Variants in ABCD3 observed in about 807,000 individuals in gnomAD.
ABCD3 encodes the protein ATP-binding cassette sub-family D member 3.
Under a neutral mutation model 105.5 loss-of-function variants are expected in ABCD3, and 41 were observed. The ratio of observed to expected loss-of-function variants is 0.39; its 90% CI spans 0.30 to 0.50. The LOEUF (loss-of-function observed/expected upper bound fraction) is 0.50. Among genes scored for constraint, ABCD3 ranks in the 20% least tolerant of loss-of-function variants. The pLI is 0.84. For missense variants in ABCD3, 622 were observed against 806.3 expected, an observed-to-expected ratio of 0.77 and a Z score of 2.77; for synonymous variants, 258 against 269.0, an observed-to-expected ratio of 0.96 and a Z score of 0.40.
At chr1:94,496,694 G>GGTTTTTTTTTT (rs1302104709) in intron 16 of ABCD3, among the ~76,000 whole-genome samples, 1 of 39,368 alleles carries the variant, frequency 2.5e-5, no homozygotes, top group Non-Finnish European at 4.1e-5. Flanking sequence ...CCTTGTTTCT[G>GGTTTTTTTTTT]TTTTTTTTTT....
At chr1:94,495,646 T>C (rs1649764156) in intron 16 of ABCD3, among the ~76,000 whole-genome samples, 1 of 152,202 alleles carries the variant, frequency 6.6e-6, no homozygotes, top group South Asian at 2.1e-4. Context: ...CAAATCTGTT[T>C]TTGGGGTTTC....
the ABCD3 span, among the ~76,000 whole-genome samples, chr1:94,409,156 G>C: frequency 6.6e-6 from 1 of 152,112 alleles, no homozygotes; most frequent in Non-Finnish European, 1.5e-5. Context: ...GTATTTGCTA[G>C]CACAACAGCG....
chr1:94,474,216 G>T (rs907205877), intron 5 of ABCD3, among the ~76,000 whole-genome samples: 1 of 148,866 alleles, frequency 6.7e-6, no homozygotes, highest in African/African-American at 2.5e-5. Flanking sequence ...ATTGCAAAAT[G>T]GGTATGGGCA....
intron 1 of ABCD3, among the ~76,000 whole-genome samples, chr1:94,443,344 G>T (rs1211144246): frequency 6.6e-6 from 1 of 152,008 alleles, no homozygotes; most frequent in Admixed American, 6.6e-5. Context: ...TGAGTTCCTT[G>T]TGTATTCTGG....
chr1:94,430,299 C>A (rs1034986353), intron 1 of ABCD3, among the ~76,000 whole-genome samples: 22 of 152,082 alleles, frequency 1.4e-4, no homozygotes, highest in Admixed American at 3.9e-4. Context: ...TGAGTTAATG[C>A]TGAAATGAAT....
chr1:94,439,474 T>C (rs1207556779), intron 1 of ABCD3, among the ~76,000 whole-genome samples: 1 of 152,064 alleles, frequency 6.6e-6, no homozygotes, highest in Non-Finnish European at 1.5e-5. Flanking sequence ...AAACCCTGTC[T>C]CTACTAAAAA....
intron 1 of ABCD3, among the ~76,000 whole-genome samples, chr1:94,436,664 C>T (rs1051539501): frequency 6.6e-6 from 1 of 152,160 alleles, no homozygotes; most frequent in African/African-American, 2.4e-5. Context: ...CTTCATGTCT[C>T]TGTATCATAT....
At chr1:94,425,529 T>A (rs1659436222) in intron 1 of ABCD3, among the ~76,000 whole-genome samples, 1 of 152,212 alleles carries the variant, frequency 6.6e-6, no homozygotes, top group Non-Finnish European at 1.5e-5. Context: ...CTGAATAACT[T>A]CCTTGGAATA....
intron 19 of ABCD3, among the ~76,000 whole-genome samples, chr1:94,499,281 C>T (rs970563048): frequency 6.6e-6 from 1 of 152,136 alleles, no homozygotes; most frequent in Non-Finnish European, 1.5e-5. Context: ...TAGTGTTATT[C>T]TCTTTAAGCT....
chr1:94,433,686 G>A lies in ABCD3; in HGVS notation c.110+15098G>A, dbSNP rs576939923. ...TTTTTAGACAGTGTCTGGATCTGTC[G>A]CCTAGGCTTTAGTGCAGCAGCATAG... On this transcript the variant is annotated intron_variant, in intron 1 of 22. Transcript: ENST00000370214. 3.6e-3 allele frequency among the ~76,000 whole-genome samples: 517 copies of A among 143,164 alleles called. 1 individual carries two copies. The highest frequency in any genetic ancestry group is 5.6e-3 in the Non-Finnish European group (373 of 66,702). 93.9% of individuals were successfully genotyped at this position (143,164 alleles called of 152,430 possible).
chr1:94,487,897 C>T lies in ABCD3; in HGVS notation c.1071C>T (p.Tyr357=). 1 of 1,613,228 alleles carries T rather than the reference C, an allele frequency of 6.2e-7. No homozygotes were observed. The highest frequency in any genetic ancestry group is 8.5e-7 in the Non-Finnish European group (1 of 1,179,332). The part of the protein sequence containing the change: ...KSTHSELLED[Y]YQSGRMLLRM... ...AATATTTATTTCTATTTAAGGATTA[C>T]TACCAAAGTGGAAGAATGCTTTTGC... is the stretch of plus-strand genomic sequence containing the variant. Residue 357 remains tyrosine (Y), a synonymous_variant, in exon 13 of 23, where the codon TAC becomes TAT. Coordinates refer to ENST00000370214, the MANE Select transcript of ABCD3 (RefSeq NM_002858.4).
At chr1:94,449,240 T>C (rs928577919) in intron 1 of ABCD3, among the ~76,000 whole-genome samples, 1 of 152,168 alleles carries the variant, frequency 6.6e-6, no homozygotes, top group Non-Finnish European at 1.5e-5. Flanking sequence ...CATGTCGAGA[T>C]TGACACTGAG....
chr1:94,511,390 G>T (rs1650665322), intron 21 of ABCD3, among the ~76,000 whole-genome samples: 1 of 151,994 alleles, frequency 6.6e-6, no homozygotes, highest in Admixed American at 6.6e-5. Context: ...TCCCTTTGTG[G>T]GTAACCCGAC....
chr1:94,470,396 C>G (rs1648390806), intron 4 of ABCD3, among the ~76,000 whole-genome samples: 1 of 152,192 alleles, frequency 6.6e-6, no homozygotes, highest in Non-Finnish European at 1.5e-5. Context: ...TTTGAAGCAT[C>G]TAGTGGATTC....
At chr1:94,387,300 G>A in the ABCD3 span, among the ~76,000 whole-genome samples, 1 of 152,094 alleles carries the variant, frequency 6.6e-6, no homozygotes, top group African/African-American at 2.4e-5. Flanking sequence ...TATTTACTTT[G>A]GTTTGGTGGA....
chr1:94,488,103 T>C (rs1249380395), intron 13 of ABCD3, 120 bp downstream of exon 13: 9 of 882,326 alleles, frequency 1.0e-5, no homozygotes, highest in African/African-American at 3.4e-5. Flanking sequence ...GGAAGGTGGT[T>C]TTGATAGAAA....
chr1:94,431,836 A>G (rs978258454), intron 1 of ABCD3, among the ~76,000 whole-genome samples: 4 of 152,180 alleles, frequency 2.6e-5, no homozygotes, highest in Non-Finnish European at 4.4e-5. Flanking sequence ...GAATACAGTT[A>G]TGTTGCATCA....
intron 1 of ABCD3, among the ~76,000 whole-genome samples, chr1:94,445,429 C>T (rs1044998096): frequency 3.3e-5 from 5 of 152,260 alleles, no homozygotes; most frequent in South Asian, 4.1e-4. Context: ...AAGGGGAGCT[C>T]GGAAGCATCA....
rs1185942833 is a variant in ABCD3, at chr1:94,480,480, T to C, written c.701T>C (p.Met234Thr). Residue 234 changes from methionine to threonine, a missense_variant, in exon 9 of 23, where the codon ATG becomes ACG. By Grantham distance (81) the Met-to-Thr change is moderately conservative. Transcript: ENST00000370214. ...TAATAATAGGGCCCAGCGAGCATGA[T>C]GGCCTACTTGGTTGTTTCTGGGCTA... ...AIGAQGPASMMAYLVVSGLFL... is the reference protein window; with the variant it reads ...AIGAQGPASMTAYLVVSGLFL... 1.2e-6 allele frequency: 2 copies of C among 1,613,750 alleles called. No individual in the cohort carries two copies. The highest frequency in any genetic ancestry group is 1.7e-6 in the Non-Finnish European group (2 of 1,179,840).
Sources: gnomAD v4.1 joint callset for allele counts (sites outside exome capture counted in the v4.1 genomes callset) on GRCh38, gnomAD v4.1.1 for gene constraint, MANE v1.5 for transcripts, NCBI Gene and HGNC (gene_info 2026-07-23, HGNC 2026-07-21) for gene names.